The following CA4 variants were observed in gnomAD, a reference collection of about 807,000 sequenced individuals.
The protein encoded by CA4 is carbonic anhydrase 4.
CA4 carries 24 observed loss-of-function variants against 34.5 expected under a neutral mutation model. The observed-to-expected ratio is 0.70, with a 90% CI of 0.50 to 0.98. The LOEUF is 0.98. CA4 is among the 50% of genes least tolerant of loss of function. The pLI is 0.00. For synonymous variants in CA4, 178 were observed against 170.6 expected (o/e 1.04, Z -0.34); for missense variants, 394 against 396.7 (o/e 0.99, Z 0.06).
At chr17:60,157,354 T>A in intron 3 of CA4, 73 bp from the exon 4 acceptor site, 1 of 1,351,874 alleles carries the variant, frequency 7.4e-7, no homozygotes, top group Non-Finnish European at 1.0e-6. Flanking sequence ...CCCATCTGGG[T>A]GAAGCTGGGA....
downstream of CA4, chr17:60,159,642 G>A: frequency 1.6e-6 from 1 of 616,842 alleles, no homozygotes; most frequent in South Asian, 1.9e-5. Flanking sequence ...GGGCTTTAAG[G>A]CCAGGAGATT....
downstream of CA4, among the ~76,000 whole-genome samples, chr17:60,175,471 A>C (rs139763761): frequency 0.039 from 5,883 of 150,588 alleles, 417 homozygotes; most frequent in African/African-American, 0.14. Context: ...GGGGAGGCTG[A>C]GGTGGGAGGA....
chr17:60,158,598 C>CTTTTCTTGCCTGTCTT, intron 7 of CA4, 152 bp downstream of exon 7: 1 of 751,440 alleles, frequency 1.3e-6, no homozygotes, highest in Non-Finnish European at 2.2e-6. Context: ...TGAAGACAGG[C>CTTTTCTTGCCTGTCTT]AAGAAAAGCC....
downstream of CA4, among the ~76,000 whole-genome samples, chr17:60,162,912 C>G (rs993755369): frequency 1.3e-5 from 2 of 152,188 alleles, no homozygotes; most frequent in African/African-American, 4.8e-5. Flanking sequence ...TGTCCAGGGG[C>G]AGGGTGGGGG....
chr17:60,160,950 G>A (rs1272725696), downstream of CA4, among the ~76,000 whole-genome samples: 1 of 151,580 alleles, frequency 6.6e-6, no homozygotes, highest in African/African-American at 2.4e-5. Context: ...GGAGGCAGGA[G>A]AGTGAGGTGG....
chr17:60,151,335 G>C (rs2083588526), intron 1 of CA4: 1 of 152,202 alleles, frequency 6.6e-6, no homozygotes, highest in Non-Finnish European at 1.5e-5. Flanking sequence ...TTTGCAGCAG[G>C]GACTGGCTGA....
chr17:60,156,523 G>A (rs1453000484), intron 2 of CA4, 37 bp from the exon 3 acceptor site: 2 of 1,612,170 alleles, frequency 1.2e-6, no homozygotes, highest in African/African-American at 1.3e-5. Context: ...TTGGTGCCAG[G>A]CACCCGACTC....
chr17:60,156,496 G>C, intron 2 of CA4, 64 bp from the exon 3 acceptor site: 1 of 1,535,348 alleles, frequency 6.5e-7, no homozygotes, highest in African/African-American at 1.4e-5. Context: ...CTTCAGTGGG[G>C]TGGTGGGGGC....
chr17:60,158,811 A>G (rs986996953), intron 7 of CA4: 12 of 415,572 alleles, frequency 2.9e-5, no homozygotes, highest in South Asian at 7.1e-5. Flanking sequence ...AGTGGAGTCA[A>G]CATCATCACT....
Position 60,157,534 on chromosome 17 carries a change from T to A in CA4, c.376T>A (p.Ser126Thr). The A allele has an allele frequency of 6.2e-7, 1 of 1,614,156 alleles. No homozygotes were observed. Among genetic ancestry groups the A allele is most frequent in the South Asian group, 1.1e-5 (1 of 91,086 alleles). The change falls in exon 4 of 8, where the codon TCG becomes ACG. Residue 126 changes from serine to threonine, a missense_variant. Coordinates refer to ENST00000300900, the MANE Select transcript of CA4 (RefSeq NM_000717.5). The part of the protein sequence containing the change: ...LHWSDLPYKG[S>T]EHSLDGEHFA... Reference sequence around the variant, plus strand: ...CTGGTCCGACTTGCCATATAAGGGCTCGGAGCACAGCCTCGATGGGGAGCA... The same window carrying A: ...CTGGTCCGACTTGCCATATAAGGGCACGGAGCACAGCCTCGATGGGGAGCA...
intron 5 of CA4, among the ~76,000 whole-genome samples, chr17:60,168,974 C>A (rs1436516310): frequency 6.6e-6 from 1 of 152,112 alleles, no homozygotes; most frequent in Non-Finnish European, 1.5e-5. Flanking sequence ...CAACCAGGCA[C>A]GGTGACTCGC....
At chr17:60,168,856 G>T (rs564348579) in intron 5 of CA4, among the ~76,000 whole-genome samples, 1 of 152,166 alleles carries the variant, frequency 6.6e-6, no homozygotes, top group Non-Finnish European at 1.5e-5. Flanking sequence ...GTCTTTGCAG[G>T]GGGATAAAGG....
chr17:60,169,889 C>G (rs2083897366), intron 5 of CA4, among the ~76,000 whole-genome samples: 1 of 152,228 alleles, frequency 6.6e-6, no homozygotes, highest in Non-Finnish European at 1.5e-5. Flanking sequence ...GTTTCTCTTT[C>G]TCTTTCTTTT....
chr17:60,153,109 G>A (rs1461410850), intron 1 of CA4, among the ~76,000 whole-genome samples: 10 of 152,108 alleles, frequency 6.6e-5, no homozygotes, highest in African/African-American at 1.7e-4. Context: ...AGGCCGAGGC[G>A]GGTGGATCAT....
chr17:60,174,518 C>T (rs537677164), downstream of CA4, among the ~76,000 whole-genome samples: 3 of 151,616 alleles, frequency 2.0e-5, no homozygotes, highest in African/African-American at 7.3e-5. Context: ...GTCCCCATCG[C>T]TCCCCATTCT....
At chr17:60,176,958 G>T in the CA4 span, among the ~76,000 whole-genome samples, 2 of 152,188 alleles carry the variant, frequency 1.3e-5, no homozygotes, top group Non-Finnish European at 2.9e-5. Context: ...CAGAGCTCAG[G>T]TGGTAATGGG....
At position 60,157,683 on chromosome 17, in the gene CA4, C is replaced by A; in HGVS notation, c.415-7C>A. 1.2e-6 allele frequency: 2 copies of A among 1,613,154 alleles called. No individual in the cohort carries two copies. Among genetic ancestry groups the A allele is most frequent in the Non-Finnish European group, 1.7e-6 (2 of 1,179,088 alleles). On this transcript the variant is annotated splice_region_variant and splice_polypyrimidine_tract_variant and intron_variant, in intron 4 of 7. Transcript: ENST00000300900. Reference sequence around the variant, plus strand: ...AGGTCCCCTTTTCACCCCTCCACCCCGACCAGATGCACATAGTACATGAGA... The same window carrying A: ...AGGTCCCCTTTTCACCCCTCCACCCAGACCAGATGCACATAGTACATGAGA...
downstream of CA4, among the ~76,000 whole-genome samples, chr17:60,161,220 G>T (rs2083784713): frequency 6.6e-6 from 1 of 152,030 alleles, no homozygotes; most frequent in Non-Finnish European, 1.5e-5. Flanking sequence ...GGGAGAGACT[G>T]GGAGGAGGCT....
chr17:60,167,546 A>G (rs1356570130), intron 5 of CA4, among the ~76,000 whole-genome samples: 1 of 152,242 alleles, frequency 6.6e-6, no homozygotes, highest in Non-Finnish European at 1.5e-5. Context: ...GAATAAAAGG[A>G]AAAATGATAG....
Sources: gnomAD v4.1 joint callset for allele counts (sites outside exome capture counted in the v4.1 genomes callset) on GRCh38, gnomAD v4.1.1 for gene constraint, MANE v1.5 for transcripts, NCBI Gene and HGNC (gene_info 2026-07-23, HGNC 2026-07-21) for gene names.